FBXL17: variants seen among roughly 807,000 people sequenced by gnomAD.
FBXL17 encodes F-box and leucine rich repeat protein 17.
In FBXL17, 22 loss-of-function variants were observed where a neutral mutation model predicts 66.2. The observed-to-expected ratio is 0.33, with a 90% CI of 0.24 to 0.47. FBXL17 has a LOEUF of 0.47. FBXL17 is among the 20% of genes least tolerant of loss of function. FBXL17 has a pLI of 1.00. For missense variants in FBXL17, 878 were observed against 948.2 expected (o/e 0.93, Z 0.97); for synonymous variants, 474 against 400.5 (o/e 1.18, Z -2.19).
intron 4 of FBXL17, among the ~76,000 whole-genome samples, chr5:108,228,571 A>G (rs560772196): frequency 6.6e-6 from 1 of 152,342 alleles, no homozygotes; most frequent in African/African-American, 2.4e-5. Flanking sequence ...TGCATGTAAA[A>G]TATTTTGAAC....
chr5:108,171,169 T>C lies in FBXL17; in HGVS notation c.1745+14948A>G, dbSNP rs553811560. Among the ~76,000 whole-genome samples, 41 of 152,330 alleles carry C rather than the reference T, an allele frequency of 2.7e-4. 1 individual carries two copies. The South Asian group carries it at 8.5e-3, about 32-fold the overall frequency. The stretch of plus-strand genomic sequence containing the variant: ...AAGATTAAATAGCAGTACTGGAAAC[T>C]GCAAATGGATGTTATTTTATTGTAA... On this transcript the variant is annotated intron_variant, in intron 6 of 8. Transcript: ENST00000542267.
chr5:107,886,548 TG>T (rs1233280805), intron 7 of FBXL17, among the ~76,000 whole-genome samples: 1 of 152,020 alleles, frequency 6.6e-6, no homozygotes. Context: ...AAGATGAGTC[TG>T]GAACATCTAG....
In FBXL17 at chr5:108,359,144, A is replaced by G. The variant is rs140484141; in HGVS notation, c.1374+5594T>C. On this transcript the variant is annotated intron_variant, in intron 3 of 8. Coordinates refer to ENST00000542267, the MANE Select transcript of FBXL17 (RefSeq NM_001163315.3). ...TCATACAATCCTTTTTAATTTCTAT[A>G]AAGTCAGTAGTAATGTCTACTCTTT... Among the ~76,000 whole-genome samples, 27 of 152,232 alleles carry G rather than the reference A, an allele frequency of 1.8e-4. No individual in the cohort carries two copies. In the East Asian group the frequency reaches 5.2e-3, roughly 29 times the overall value.
intron 7 of FBXL17, among the ~76,000 whole-genome samples, chr5:107,884,077 G>T (rs998483963): frequency 6.6e-6 from 1 of 152,170 alleles, no homozygotes; most frequent in Non-Finnish European, 1.5e-5. Context: ...ACTGGGGTAG[G>T]TATAAGAGAC....
intron 5 of FBXL17, among the ~76,000 whole-genome samples, chr5:108,220,613 T>C (rs571645820): frequency 5.3e-5 from 8 of 152,186 alleles, no homozygotes; most frequent in Non-Finnish European, 1.0e-4. Context: ...TTTTATATAT[T>C]TTATTTCTTT....
intron 7 of FBXL17, among the ~76,000 whole-genome samples, chr5:107,881,649 T>C (rs572075065): frequency 1.1e-4 from 17 of 152,352 alleles, no homozygotes; most frequent in African/African-American, 4.1e-4. Context: ...CATCTGTTCA[T>C]GACCTGTAAA....
At chr5:107,951,266 T>C (rs1478447698) in intron 7 of FBXL17, among the ~76,000 whole-genome samples, 1 of 152,256 alleles carries the variant, frequency 6.6e-6, no homozygotes, top group Non-Finnish European at 1.5e-5. Flanking sequence ...TATGCAATAT[T>C]TCTTCCCTAT....
intron 4 of FBXL17, among the ~76,000 whole-genome samples, chr5:108,344,552 G>A (rs1747125710): frequency 6.6e-6 from 1 of 152,124 alleles, no homozygotes; most frequent in African/African-American, 2.4e-5. Context: ...AAAATACTCT[G>A]ACATAGGGCA....
chr5:108,261,034 T>C (rs1580706906), intron 4 of FBXL17, among the ~76,000 whole-genome samples: 1 of 151,938 alleles, frequency 6.6e-6, no homozygotes, highest in African/African-American at 2.4e-5. Context: ...TAAGAAATCA[T>C]TAAAAATAAT....
chr5:108,330,770 T>C (rs1580829858), intron 4 of FBXL17, among the ~76,000 whole-genome samples: 1 of 151,990 alleles, frequency 6.6e-6, no homozygotes. Flanking sequence ...ACACACATCA[T>C]TGCACGTGCA....
intron 4 of FBXL17, among the ~76,000 whole-genome samples, chr5:108,279,171 T>G (rs1189503756): frequency 5.9e-5 from 9 of 152,186 alleles, no homozygotes; most frequent in Non-Finnish European, 1.2e-4. Flanking sequence ...CAGAGACTCG[T>G]GAGCTGCTTC....
chr5:108,019,910 A>G (rs1754523739), intron 7 of FBXL17, among the ~76,000 whole-genome samples: 1 of 151,378 alleles, frequency 6.6e-6, no homozygotes, highest in South Asian at 2.1e-4. Flanking sequence ...ATAAACTGAA[A>G]TTAGGTGTGT....
intron 5 of FBXL17, among the ~76,000 whole-genome samples, chr5:108,210,612 T>C (rs999555662): frequency 2.0e-5 from 3 of 152,244 alleles, no homozygotes; most frequent in Non-Finnish European, 4.4e-5. Context: ...TCCATGTAGT[T>C]GTGCGGTTTT....
At chr5:108,100,208 T>A (rs1749547592) in intron 6 of FBXL17, among the ~76,000 whole-genome samples, 1 of 152,182 alleles carries the variant, frequency 6.6e-6, no homozygotes, top group Non-Finnish European at 1.5e-5. Context: ...GATTCTAAAG[T>A]ACCTTAGATC....
At chr5:108,308,429 G>C (rs1045417772) in intron 4 of FBXL17, among the ~76,000 whole-genome samples, 1 of 151,874 alleles carries the variant, frequency 6.6e-6, no homozygotes, top group Admixed American at 6.6e-5. Flanking sequence ...ACAATCACAA[G>C]GCTAGTAAGG....
chr5:108,199,695 C>CCAAT (rs1366264750), intron 5 of FBXL17, among the ~76,000 whole-genome samples: 1 of 151,858 alleles, frequency 6.6e-6, no homozygotes, highest in African/African-American at 2.4e-5. Context: ...GCCAATTGTT[C>CCAAT]CAATATTCTC....
chr5:108,069,068 C>T (rs1369940313), intron 6 of FBXL17, among the ~76,000 whole-genome samples: 1 of 152,264 alleles, frequency 6.6e-6, no homozygotes, highest in East Asian at 1.9e-4. Context: ...CACTTTCACA[C>T]ACATACACAC....
At chr5:107,925,463 C>A (rs1444903487) in intron 7 of FBXL17, among the ~76,000 whole-genome samples, 1 of 152,190 alleles carries the variant, frequency 6.6e-6, no homozygotes, top group East Asian at 1.9e-4. Context: ...GTTGCACGTA[C>A]CTGTCTGTGA....
At chr5:108,329,748 G>C (rs941880790) in intron 4 of FBXL17, among the ~76,000 whole-genome samples, 2 of 151,954 alleles carry the variant, frequency 1.3e-5, no homozygotes, top group African/African-American at 4.8e-5. Flanking sequence ...AAATAACTTA[G>C]AAGTTATCAT....
Sources: gnomAD v4.1 joint callset for allele counts (sites outside exome capture counted in the v4.1 genomes callset) on GRCh38, gnomAD v4.1.1 for gene constraint, MANE v1.5 for transcripts, NCBI Gene and HGNC (gene_info 2026-07-23, HGNC 2026-07-21) for gene names.